MPDZ: variants seen among roughly 807,000 people sequenced by gnomAD.
MPDZ encodes multiple PDZ domain protein.
MPDZ carries 234 observed loss-of-function variants against 239.1 expected under a neutral mutation model. The ratio of observed to expected loss-of-function variants is 0.98; its 90% confidence interval spans 0.88 to 1.09. MPDZ has a LOEUF of 1.09. Ranked by LOEUF, MPDZ falls within the 50% of genes least tolerant of loss-of-function variation. The pLI is 0.00. For synonymous variants in MPDZ, 1,048 were observed against 881.3 expected, an observed-to-expected ratio of 1.19 and a Z score of -3.35; for missense variants, 3,175 against 2,510.0, an observed-to-expected ratio of 1.26 and a Z score of -5.66.
intron 39 of MPDZ, among the ~76,000 whole-genome samples, chr9:13,115,817 C>T (rs1395274872): frequency 3.3e-5 from 5 of 151,790 alleles, no homozygotes; most frequent in Admixed American, 6.6e-5. Flanking sequence ...TGGTGGCAGG[C>T]GCCTGTAGTC....
intron 41 of MPDZ, 114 bp from the exon 42 acceptor site, chr9:13,113,168 A>T: frequency 1.2e-6 from 1 of 865,796 alleles, no homozygotes; most frequent in South Asian, 1.8e-5. Flanking sequence ...TCTTTTTTTA[A>T]GGGGGTGCTC....
chr9:13,248,010 T>G (rs1966854952), intron 2 of MPDZ, among the ~76,000 whole-genome samples: 1 of 152,128 alleles, frequency 6.6e-6, no homozygotes, highest in South Asian at 2.1e-4. Flanking sequence ...GCTGATCACT[T>G]GAGCTCAGGA....
intron 42 of MPDZ, 56 bp from the exon 43 acceptor site, chr9:13,112,202 T>C: frequency 6.6e-7 from 1 of 1,522,762 alleles, no homozygotes; most frequent in Non-Finnish European, 8.9e-7. Flanking sequence ...ATTGACCTTT[T>C]GTTTATTCTT....
intron 1 of MPDZ, among the ~76,000 whole-genome samples, chr9:13,252,709 C>T (rs1376812693): frequency 6.6e-6 from 1 of 151,942 alleles, no homozygotes; most frequent in Non-Finnish European, 1.5e-5. Context: ...ATTAGCTGGG[C>T]GTGGTGCATG....
intron 10 of MPDZ, 82 bp from the exon 11 acceptor site, chr9:13,206,181 T>A (rs1344234512): frequency 7.9e-7 from 1 of 1,273,830 alleles, no homozygotes; most frequent in Non-Finnish European, 1.1e-6. Context: ...TGTGTATGTA[T>A]AGTTGTTAGT....
intron 32 of MPDZ, 22 bp from the exon 33 acceptor site, chr9:13,126,794 T>C: frequency 2.5e-6 from 4 of 1,590,196 alleles, no homozygotes; most frequent in Non-Finnish European, 3.5e-6. Flanking sequence ...AAAACAAAAA[T>C]GCTCAGAAGA....
intron 43 of MPDZ, among the ~76,000 whole-genome samples, chr9:13,111,535 C>T (rs1254006849): frequency 6.6e-6 from 1 of 152,156 alleles, no homozygotes; most frequent in East Asian, 1.9e-4. Flanking sequence ...CATTGCAATG[C>T]TCCACAATTT....
intron 24 of MPDZ, among the ~76,000 whole-genome samples, chr9:13,154,365 A>G (rs892842648): frequency 2.6e-5 from 4 of 152,144 alleles, no homozygotes; most frequent in African/African-American, 9.7e-5. Context: ...AGTTTTATAC[A>G]TAGGTTTAAA....
intron 39 of MPDZ, among the ~76,000 whole-genome samples, chr9:13,116,639 A>G (rs920601480): frequency 3.3e-5 from 5 of 152,206 alleles, no homozygotes; most frequent in African/African-American, 1.2e-4. Context: ...TAACAAGTCC[A>G]TACGTTATTC....
intron 3 of MPDZ, among the ~76,000 whole-genome samples, chr9:13,240,645 T>G (rs1965179466): frequency 6.7e-6 from 1 of 148,266 alleles, no homozygotes. Context: ...CAAATTCTCT[T>G]AAGTCTATCA....
In MPDZ at chr9:13,235,306, T is replaced by C. The variant is rs144227144; in HGVS notation, c.184-10723A>G. On this transcript the variant is annotated intron_variant, in intron 3 of 46. Coordinates refer to ENST00000319217, the MANE Select transcript of MPDZ (RefSeq NM_001378778.1). Reference sequence around the variant, plus strand: ...AGACACAAAATGGAGCAATAAGTTATAAGAAGGGAAAACAATATTTTCAAA... The same window carrying C: ...AGACACAAAATGGAGCAATAAGTTACAAGAAGGGAAAACAATATTTTCAAA... 5.6e-4 allele frequency among the ~76,000 whole-genome samples: 86 copies of C among 152,274 alleles called. No homozygotes were observed. In the East Asian group the frequency reaches 8.7e-3, roughly 15 times the overall value.
At chr9:13,109,845 T>C (rs1323763521) in intron 45 of MPDZ, 107 bp downstream of exon 45, 2 of 836,080 alleles carry the variant, frequency 2.4e-6, no homozygotes, top group Non-Finnish European at 2.0e-6. Context: ...TATCCTATCA[T>C]TTTACCTGTA....
rs1967619353 is a variant in MPDZ, at chr9:13,250,392, A to T, written c.-57-20T>A. The stretch of plus-strand genomic sequence containing the variant: ...GGAACTCTGTGCAAAAAAGAAATAG[A>T]ATGGTTATGTTTTATCAGAACTTTA... On this transcript the variant is annotated intron_variant, in intron 1 of 46. Transcript: ENST00000319217. 6.2e-6 allele frequency: 8 copies of T among 1,289,544 alleles called. No homozygotes were observed. The South Asian group carries it at 9.0e-5, about 14-fold the overall frequency. 79.9% of individuals were successfully genotyped at this position (1,289,544 alleles called of 1,614,324 possible). A position where few individuals can be genotyped will look rare whatever the true frequency, so the allele number is the denominator to read the frequency against.
At chr9:13,227,899 T>C (rs2136558412) in intron 3 of MPDZ, among the ~76,000 whole-genome samples, 1 of 152,254 alleles carries the variant, frequency 6.6e-6, no homozygotes, top group South Asian at 2.1e-4. Flanking sequence ...TATTTATAAA[T>C]TGGCAAATTT....
chr9:13,272,287 A>AAGCT (rs1973158154), intron 1 of MPDZ, among the ~76,000 whole-genome samples: 1 of 152,110 alleles, frequency 6.6e-6, no homozygotes, highest in Admixed American at 6.5e-5. Flanking sequence ...CATCTTAATG[A>AAGCT]AGCTAGCTAG....
In MPDZ at chr9:13,192,361, T is replaced by A. The variant is rs113317151; in HGVS notation, c.1804-66A>T. The A allele has an allele frequency of 7.3e-6, 10 of 1,374,836 alleles. No homozygotes were observed. The African/African-American group carries it at 1.3e-4, about 18-fold the overall frequency. 85.2% of individuals were successfully genotyped at this position (1,374,836 alleles called of 1,614,324 possible). ...AATATGAACATTCTTTTGAACACAATTTTTTTATTAAATATAAATTTTACT... is the reference window on the plus strand; with the variant it reads ...AATATGAACATTCTTTTGAACACAAATTTTTTATTAAATATAAATTTTACT... On this transcript the variant is annotated intron_variant, in intron 14 of 46. Transcript: ENST00000319217.
chr9:13,265,750 G>T (rs1206031147), intron 1 of MPDZ, among the ~76,000 whole-genome samples: 2 of 152,072 alleles, frequency 1.3e-5, no homozygotes, highest in Non-Finnish European at 2.9e-5. Context: ...GACTTTGTGA[G>T]ATCTCGATGA....
Position 13,106,110 on chromosome 9 carries a change from G to A in MPDZ, c.*855C>T, listed in dbSNP as rs796757769. ...CACAGCACACTAACACATTTTTAAT[G>A]TTGCATCGGTTGTTAAAACCAGCAC... On this transcript the variant is annotated 3_prime_UTR_variant, in exon 47 of 47. Transcript: ENST00000319217. 9 of 152,222 alleles carry A rather than the reference G, an allele frequency of 5.9e-5. 1 individual carries two copies. The highest frequency in any genetic ancestry group is 2.2e-4 in the African/African-American group (9 of 41,540). The allele number at this position is 152,222 out of a possible 1,614,324, so 9.4% of individuals were successfully genotyped here.
At chr9:13,177,386 G>A (rs1952634950) in intron 19 of MPDZ, among the ~76,000 whole-genome samples, 1 of 152,042 alleles carries the variant, frequency 6.6e-6, no homozygotes, top group Admixed American at 6.6e-5. Context: ...CGCTTCCCCA[G>A]TAAAAATGGC....
Sources: gnomAD v4.1 joint callset for allele counts (sites outside exome capture counted in the v4.1 genomes callset) on GRCh38, gnomAD v4.1.1 for gene constraint, MANE v1.5 for transcripts, NCBI Gene and HGNC (gene_info 2026-07-23, HGNC 2026-07-21) for gene names.